The following SLC35E4 variants were observed in gnomAD, a reference collection of about 807,000 sequenced individuals.
SLC35E4 encodes the protein solute carrier family 35, member E4.
SLC35E4 carries 15 observed loss-of-function variants against 19.3 expected under a neutral mutation model. The observed-to-expected ratio is 0.78, with a 90% confidence interval of 0.52 to 1.20. SLC35E4 has a LOEUF of 1.20. Ranked by LOEUF, SLC35E4 falls within the 50% of genes most tolerant of loss-of-function variation. The probability of loss-of-function intolerance (pLI) is 0.00; values close to 1 mark genes in which losing one functional copy is unlikely to be tolerated. For missense variants in SLC35E4, 406 were observed against 472.3 expected (o/e 0.86, Z 1.30); for synonymous variants, 219 against 219.9 (o/e 1.00, Z 0.04).
chr22:30,660,467 C>T (rs1200165807), intron 2 of SLC35E4, among the ~76,000 whole-genome samples: 2 of 152,070 alleles, frequency 1.3e-5, no homozygotes, highest in African/African-American at 4.8e-5. Flanking sequence ...GCCACCACAC[C>T]CACCTAGAGA....
chr22:30,654,862 G>A (rs756215892), intron 2 of SLC35E4: 27 of 183,200 alleles, frequency 1.5e-4, no homozygotes, highest in Admixed American at 3.6e-4. Flanking sequence ...AGATGAAACA[G>A]GGAAGGGCAT....
At chr22:30,658,386 A>AAT (rs2088389229) in intron 2 of SLC35E4, among the ~76,000 whole-genome samples, 1 of 147,612 alleles carries the variant, frequency 6.8e-6, no homozygotes, top group Non-Finnish European at 1.5e-5. Context: ...AAAAAAAAAA[A>AAT]TTTTTTTTTT....
intron 1 of SLC35E4, among the ~76,000 whole-genome samples, chr22:30,644,251 G>A (rs937816839): frequency 2.0e-5 from 3 of 152,142 alleles, no homozygotes; most frequent in South Asian, 2.1e-4. Context: ...CTAAAACATC[G>A]GAATGAAATT....
downstream of SLC35E4, among the ~76,000 whole-genome samples, chr22:30,652,745 G>A (rs998094861): frequency 2.6e-5 from 4 of 152,240 alleles, no homozygotes; most frequent in Admixed American, 6.5e-5. Context: ...ACACATAGTA[G>A]TTGGTGTCCA....
chr22:30,654,681 A>G (rs1192044277), intron 2 of SLC35E4: 6 of 419,920 alleles, frequency 1.4e-5, no homozygotes, highest in Non-Finnish European at 2.8e-5. Flanking sequence ...ACTTCTTTCT[A>G]TAGACATTGC....
At chr22:30,641,572 A>ATC (rs1203295053) in intron 1 of SLC35E4, among the ~76,000 whole-genome samples, 1 of 150,848 alleles carries the variant, frequency 6.6e-6, no homozygotes, top group Non-Finnish European at 1.5e-5. Context: ...TTTTGAGACA[A>ATC]TCTCTCTCTG....
chr22:30,653,434 C>T (rs1421049648), intron 2 of SLC35E4, among the ~76,000 whole-genome samples: 4 of 150,492 alleles, frequency 2.7e-5, no homozygotes, highest in Non-Finnish European at 5.9e-5. Context: ...TGCAGTGGTG[C>T]GATCTCGGCT....
exon 3 of SLC35E4, chr22:30,662,690 A>G (rs2088513109): frequency 6.6e-6 from 1 of 152,162 alleles, no homozygotes; most frequent in South Asian, 2.1e-4. Context: ...TGAGGCGGGC[A>G]TGGTGGCAAA....
chr22:30,657,527 G>T (rs548648400), intron 2 of SLC35E4, among the ~76,000 whole-genome samples: 1 of 151,678 alleles, frequency 6.6e-6, no homozygotes, highest in South Asian at 2.1e-4. Flanking sequence ...GGGAAGCAAA[G>T]ACAGGTAGAT....
At chr22:30,659,726 AAATGTG>A (rs1362455842) in intron 2 of SLC35E4, among the ~76,000 whole-genome samples, 1 of 152,222 alleles carries the variant, frequency 6.6e-6, no homozygotes, top group Non-Finnish European at 1.5e-5. Context: ...ATTCCCTGGA[AAATGTG>A]AATGTTACTT....
chr22:30,665,899 G>C (rs1036642379), downstream of SLC35E4, among the ~76,000 whole-genome samples: 1 of 139,340 alleles, frequency 7.2e-6, no homozygotes, highest in African/African-American at 2.6e-5. Context: ...GAAAGAATGA[G>C]TTCTCTGGCA....
downstream of SLC35E4, among the ~76,000 whole-genome samples, chr22:30,666,634 A>AAAAAAAAAAAAAAAAAAAAAAAC (rs2088679982): frequency 6.6e-6 from 1 of 151,020 alleles, no homozygotes; most frequent in Non-Finnish European, 1.5e-5. Context: ...AAAAAAAAAA[A>AAAAAAAAAAAAAAAAAAAAAAAC]AAAAAAAAAA....
At chr22:30,663,646 T>C (rs1200764727), downstream of SLC35E4, 11 of 1,614,194 alleles carry the variant, frequency 6.8e-6, no homozygotes, top group Non-Finnish European at 9.3e-6. Flanking sequence ...TGGTACTTCA[T>C]GAGGTAGGCG....
chr22:30,652,970 G>T (rs916896300), intron 2 of SLC35E4, among the ~76,000 whole-genome samples: 1 of 152,194 alleles, frequency 6.6e-6, no homozygotes, highest in African/African-American at 2.4e-5. Flanking sequence ...AATATCTATT[G>T]AATGAGTGAT....
chr22:30,668,954 G>T (rs2088768307), exon 3 of SLC35E4: 3 of 152,172 alleles, frequency 2.0e-5, no homozygotes, highest in Non-Finnish European at 4.4e-5. Flanking sequence ...CACTGAGTGG[G>T]TGAAGAGTTT....
At chr22:30,649,151 C>T, downstream of SLC35E4, 1 of 715,716 alleles carries the variant, frequency 1.4e-6, no homozygotes, top group Non-Finnish European at 2.6e-6. Context: ...GGGAGCCTCC[C>T]TTCCCTAGGC....
exon 3 of SLC35E4, chr22:30,662,338 C>G (rs1165224634): frequency 6.6e-6 from 1 of 152,176 alleles, no homozygotes; most frequent in Non-Finnish European, 1.5e-5. Flanking sequence ...GAGGAGGTGA[C>G]AGGGCTGGGC....
rs184129820 is a variant in SLC35E4 at position 30,638,535 on chromosome 22, G to A, written c.619+1466G>A. ...AAAAAAAAAAAAAAAAATTGGGCCA[G>A]GCGCAGTGGCTCACAGCTGTAATCC... On this transcript the variant is annotated intron_variant, in intron 1 of 1. Transcript: ENST00000343605. Among the ~76,000 whole-genome samples, 1,445 of 149,680 alleles carry A rather than the reference G, an allele frequency of 9.7e-3. 14 individuals carry two copies. The highest frequency in any genetic ancestry group is 0.03 in the South Asian group (141 of 4,724).
Position 30,636,467 on chromosome 22 carries a change from C to T in SLC35E4, c.17C>T (p.Pro6Leu), listed in dbSNP as rs1462400759. Residue 6 changes from proline (P) to leucine (L), a missense_variant, in exon 1 of 2, where the codon CCG becomes CTG. Transcript: ENST00000343605. ...CTGGTGCGGATGTGCCGCTGCCCGC[C>T]GGAGCACCATGATGGCAGGATGACC... is the stretch of plus-strand genomic sequence containing the variant. MCRCP[P>L]EHHDGRMTSA... 9 of 1,497,552 alleles carry T rather than the reference C, an allele frequency of 6.0e-6. No individual in the cohort carries two copies. The highest frequency in any genetic ancestry group is 2.2e-4 in the Middle Eastern group (1 of 4,630). 92.8% of individuals were successfully genotyped at this position (1,497,552 alleles called of 1,614,324 possible).
Sources: allele counts gnomAD v4.1 joint callset (sites outside exome capture counted in the v4.1 genomes callset), GRCh38; gene constraint gnomAD v4.1.1; transcripts MANE v1.5; gene names NCBI Gene and HGNC (gene_info 2026-07-23, HGNC 2026-07-21).